The following ICA1 variants were observed in gnomAD, a reference collection of about 807,000 sequenced individuals.
The protein encoded by ICA1 is islet cell autoantigen 1.
ICA1 carries 40 observed loss-of-function variants against 71.0 expected under a neutral mutation model. The observed-to-expected ratio is 0.56, with a 90% confidence interval of 0.44 to 0.73. The LOEUF is 0.73. Among genes scored for constraint, ICA1 ranks in the 30% least tolerant of loss-of-function variants. The pLI, the probability that ICA1 is intolerant of heterozygous loss-of-function variation, is 0.00. For synonymous variants in ICA1, 207 were observed against 209.5 expected (o/e 0.99, Z 0.10); for missense variants, 578 against 576.5 (o/e 1.00, Z -0.03).
At chr7:8,218,524 A>G in intron 5 of ICA1, 21 bp from the exon 6 acceptor site, 1 of 1,609,096 alleles carries the variant, frequency 6.2e-7, no homozygotes, top group Non-Finnish European at 8.5e-7. Context: ...GGACAAAGCC[A>G]CACTCTCAAA....
In ICA1 at chr7:8,261,489, C is replaced by T. The variant is rs918560580; in HGVS notation, c.-80+605G>A. ...ACCGGGGTTGCTTAGGGGTTCTCGC[C>T]CCGTCTAGTCCGAGACTGCTGAGCA... On this transcript the variant is annotated intron_variant, in intron 1 of 13. Transcript: ENST00000402384. Among the ~76,000 whole-genome samples the T allele has an allele frequency of 7.2e-5, 11 of 152,178 alleles. No homozygotes were observed. In the East Asian group the frequency reaches 1.7e-3, roughly 24 times the overall value.
chr7:8,149,755 T>C (rs1301401034), intron 8 of ICA1, among the ~76,000 whole-genome samples: 4 of 152,230 alleles, frequency 2.6e-5, no homozygotes, highest in Non-Finnish European at 5.9e-5. Context: ...TGTATACATA[T>C]GAAGGTGCCA....
intron 1 of ICA1, among the ~76,000 whole-genome samples, chr7:8,261,267 A>T (rs925853506): frequency 2.0e-5 from 3 of 152,186 alleles, no homozygotes; most frequent in Admixed American, 2.0e-4. Flanking sequence ...GACCCCAAAG[A>T]GAAGCTCAGG....
At chr7:8,151,018 A>G (rs1240752505) in intron 8 of ICA1, among the ~76,000 whole-genome samples, 6 of 152,344 alleles carry the variant, frequency 3.9e-5, no homozygotes. Context: ...AGTATATCCA[A>G]TGTTCCAAGG....
At chr7:8,231,853 A>G (rs897453337) in intron 3 of ICA1, among the ~76,000 whole-genome samples, 1 of 152,234 alleles carries the variant, frequency 6.6e-6, no homozygotes, top group African/African-American at 2.4e-5. Flanking sequence ...GGACACTCCG[A>G]AAACTTTTTG....
chr7:8,236,243 G>A (rs922225556), intron 1 of ICA1, among the ~76,000 whole-genome samples: 2 of 152,292 alleles, frequency 1.3e-5, no homozygotes, highest in African/African-American at 2.4e-5. Flanking sequence ...GCAGGTTGCA[G>A]AAGACTACAT....
intron 13 of ICA1, among the ~76,000 whole-genome samples, chr7:8,118,100 T>A (rs979557911): frequency 6.6e-6 from 1 of 152,208 alleles, no homozygotes. Flanking sequence ...TTCTAAAGCA[T>A]TATTTTAAGA....
intron 9 of ICA1, 162 bp from the exon 10 acceptor site, chr7:8,141,979 G>C (rs1795410658): frequency 6.6e-7 from 1 of 1,505,432 alleles, no homozygotes; most frequent in African/African-American, 1.4e-5. Context: ...ATGCCAATTT[G>C]CTGGCCTTCT....
chr7:8,169,466 T>C (rs1807449811), intron 6 of ICA1, among the ~76,000 whole-genome samples: 1 of 152,158 alleles, frequency 6.6e-6, no homozygotes, highest in African/African-American at 2.4e-5. Flanking sequence ...CTGCATCATT[T>C]TGTATTCCTA....
At chr7:8,251,533 G>C (rs1022690040) in intron 1 of ICA1, among the ~76,000 whole-genome samples, 4 of 150,880 alleles carry the variant, frequency 2.7e-5, no homozygotes, top group African/African-American at 7.3e-5. Flanking sequence ...ATAAAGCTTA[G>C]AGATAATGAA....
At chr7:8,232,302 C>T (rs1800507517) in intron 3 of ICA1, among the ~76,000 whole-genome samples, 1 of 152,202 alleles carries the variant, frequency 6.6e-6, no homozygotes, top group South Asian at 2.1e-4. Flanking sequence ...CTCTGACCAG[C>T]AAGCAGCAGC....
At chr7:8,200,526 A>G (rs1468379449) in intron 6 of ICA1, among the ~76,000 whole-genome samples, 1 of 152,124 alleles carries the variant, frequency 6.6e-6, no homozygotes. Flanking sequence ...CGCAATCATG[A>G]AGGGCACGGA....
chr7:8,206,432 T>C (rs146858385), intron 6 of ICA1, among the ~76,000 whole-genome samples: 102 of 152,320 alleles, frequency 6.7e-4, no homozygotes, highest in Non-Finnish European at 1.3e-3. Context: ...CCTTTATTAT[T>C]ATTAAAAACA....
Position 8,223,227 on chromosome 7 carries a change from T to C in ICA1, c.257-1829A>G, listed in dbSNP as rs17145671. On this transcript the variant is annotated intron_variant, in intron 4 of 13. Transcript: ENST00000402384. This position sits in a 1 kb window ranked among gnomAD's most constrained non-coding sequence, Gnocchi z 4.1. ...AATGTCTCATTTTTGATCTTAATCG[T>C]GTGAGGCTACTGTCACCCTTTTTAC... Among the ~76,000 whole-genome samples the C allele has an allele frequency of 0.11, 16,423 of 152,230 alleles. 2,287 individuals are homozygous for C. The highest frequency in any genetic ancestry group is 0.33 in the African/African-American group (13,581 of 41,474).
chr7:8,216,120 T>G (rs1184071720), intron 6 of ICA1, among the ~76,000 whole-genome samples: 4 of 152,314 alleles, frequency 2.6e-5, no homozygotes, highest in African/African-American at 9.6e-5. Flanking sequence ...CATCATGAGG[T>G]CAGCTGCAAA....
intron 8 of ICA1, among the ~76,000 whole-genome samples, chr7:8,152,820 TTCAACACCACTACCC>T (rs1562704273): frequency 1.2e-4 from 10 of 80,042 alleles, no homozygotes; most frequent in African/African-American, 4.7e-4. Flanking sequence ...CACCATCTCC[TTCAACACCACTACCC>T]CCACCACTAC....
intron 4 of ICA1, among the ~76,000 whole-genome samples, chr7:8,224,651 TAACC>T (rs1327169100): frequency 6.6e-6 from 1 of 152,200 alleles, no homozygotes; most frequent in African/African-American, 2.4e-5. Flanking sequence ...TACTATCAAC[TAACC>T]TACAGCCCTT....
At chr7:8,221,452 AG>A in intron 4 of ICA1, 54 bp from the exon 5 acceptor site, 1 of 1,597,104 alleles carries the variant, frequency 6.3e-7, no homozygotes, top group South Asian at 1.1e-5. Context: ...TTGATTGCAA[AG>A]GGAACAAGAA....
rs1351204203 is a variant in ICA1, at chr7:8,152,572, C to CATCTCCTT, written c.804+4543_804+4544insAAGGAGAT. On this transcript the variant is annotated intron_variant, in intron 8 of 13. Transcript: ENST00000402384. ...ACCACCTCCACCACCACCACCACCA[C>CATCTCCTT]CACCATCTCCTTCACCACCACTACC... Among the ~76,000 whole-genome samples the CATCTCCTT allele has an allele frequency of 6.4e-5, 8 of 124,390 alleles. No individual in the cohort carries two copies. The South Asian group carries it at 1.9e-3, about 30-fold the overall frequency. 81.6% of individuals were successfully genotyped at this position (124,390 alleles called of 152,430 possible). A position where few individuals can be genotyped will look rare whatever the true frequency, so the allele number is the denominator to read the frequency against.
Sources: allele counts gnomAD v4.1 joint callset (sites outside exome capture counted in the v4.1 genomes callset), GRCh38; gene constraint gnomAD v4.1.1; non-coding constraint Gnocchi (gnomAD v3.1); transcripts MANE v1.5; gene names NCBI Gene and HGNC (gene_info 2026-07-23, HGNC 2026-07-21).